NLGN1: variants seen among roughly 807,000 people sequenced by gnomAD.
NLGN1 encodes the protein neuroligin-1.
A neutral mutation model predicts 65.5 loss-of-function variants in NLGN1; 12 were observed. The observed-to-expected ratio is 0.18, with a 90% CI of 0.12 to 0.30. NLGN1 has a LOEUF of 0.30. Ranked by LOEUF, NLGN1 falls within the 10% of genes least tolerant of loss-of-function variation. The probability of loss-of-function intolerance (pLI) is 1.00; values close to 1 mark genes in which losing one functional copy is unlikely to be tolerated. For synonymous variants in NLGN1, 350 were observed against 359.5 expected (o/e 0.97, Z 0.30); for missense variants, 750 against 1,007.1 (o/e 0.74, Z 3.46).
At chr3:173,702,301 C>T (rs1767339113) in intron 3 of NLGN1, among the ~76,000 whole-genome samples, 2 of 150,782 alleles carry the variant, frequency 1.3e-5, no homozygotes, top group Non-Finnish European at 2.9e-5. Context: ...AGTGGGTGTG[C>T]GGATGAAGGG....
At chr3:173,644,606 C>A in intron 3 of NLGN1, 2 of 159,474 alleles carry the variant, frequency 1.3e-5, no homozygotes, top group South Asian at 3.6e-4. Flanking sequence ...TTCTGCGAGT[C>A]CCTCATCATG....
At chr3:174,032,515 T>C (rs552137673) in intron 4 of NLGN1, among the ~76,000 whole-genome samples, 1 of 152,306 alleles carries the variant, frequency 6.6e-6, no homozygotes, top group Admixed American at 6.5e-5. Context: ...TTGTTAGAAA[T>C]GCAGTATCTC....
At chr3:174,274,525 C>T (rs1750150010) in intron 4 of NLGN1, among the ~76,000 whole-genome samples, 1 of 151,630 alleles carries the variant, frequency 6.6e-6, no homozygotes, top group Admixed American at 6.6e-5. Context: ...CGTTTTCTCT[C>T]CCCCTCATTT....
chr3:173,888,727 T>C (rs916214699), intron 4 of NLGN1, among the ~76,000 whole-genome samples: 6 of 152,096 alleles, frequency 3.9e-5, no homozygotes, highest in Non-Finnish European at 5.9e-5. Context: ...TATCGTGACG[T>C]ATTTTTTTCC....
At chr3:174,002,066 A>C (rs966842013) in intron 4 of NLGN1, among the ~76,000 whole-genome samples, 8 of 152,004 alleles carry the variant, frequency 5.3e-5, no homozygotes, top group African/African-American at 1.2e-4. Flanking sequence ...AAAAAAAAAA[A>C]AAAAACAAGA....
intron 4 of NLGN1, among the ~76,000 whole-genome samples, chr3:174,200,688 A>G (rs62290342): frequency 0.026 from 3,941 of 152,320 alleles, 74 homozygotes; most frequent in Middle Eastern, 0.068. Context: ...AATAATATTA[A>G]CAATCTTTTC....
At chr3:173,606,982 C>T (rs548322404) in intron 3 of NLGN1, among the ~76,000 whole-genome samples, 7 of 151,952 alleles carry the variant, frequency 4.6e-5, no homozygotes, top group African/African-American at 1.2e-4. Flanking sequence ...AAGTGACTTT[C>T]GCCTCCTATT....
intron 3 of NLGN1, among the ~76,000 whole-genome samples, chr3:173,781,595 C>T (rs1781169408): frequency 1.3e-5 from 2 of 152,174 alleles, no homozygotes; most frequent in Non-Finnish European, 2.9e-5. Flanking sequence ...TTTGGTTGAT[C>T]TCCTTGAAAC....
intron 4 of NLGN1, among the ~76,000 whole-genome samples, chr3:174,100,977 G>C (rs544243162): frequency 1.3e-5 from 2 of 152,144 alleles, no homozygotes; most frequent in Non-Finnish European, 2.9e-5. Context: ...TCTGCAGCAA[G>C]TACGAGGCCA....
chr3:174,037,979 C>A (rs1162982154), intron 4 of NLGN1, among the ~76,000 whole-genome samples: 4 of 152,002 alleles, frequency 2.6e-5, no homozygotes, highest in Non-Finnish European at 4.4e-5. Flanking sequence ...ATATTAATGC[C>A]TCCAGTAATG....
At chr3:173,692,221 CTCTGTTATTAATTAT>C (rs889627614) in intron 3 of NLGN1, among the ~76,000 whole-genome samples, 8 of 152,020 alleles carry the variant, frequency 5.3e-5, no homozygotes, top group African/African-American at 1.7e-4. Flanking sequence ...AAGGAAATTG[CTCTGTTATTAATTAT>C]TCTGCTGGTA....
intron 4 of NLGN1, among the ~76,000 whole-genome samples, chr3:173,909,749 G>A (rs912559723): frequency 3.9e-5 from 6 of 151,950 alleles, no homozygotes; most frequent in South Asian, 2.1e-4. Context: ...GCATGATCTC[G>A]GCTACCGCAA....
chr3:173,939,977 A>C (rs1174702599), intron 4 of NLGN1, among the ~76,000 whole-genome samples: 1 of 152,126 alleles, frequency 6.6e-6, no homozygotes, highest in African/African-American at 2.4e-5. Flanking sequence ...TAATCCACTA[A>C]AAATACTAAA....
chr3:173,857,594 A>T (rs1271335219), intron 4 of NLGN1, among the ~76,000 whole-genome samples: 1 of 152,078 alleles, frequency 6.6e-6, no homozygotes, highest in Non-Finnish European at 1.5e-5. Flanking sequence ...TACAAAAAAA[A>T]ATCACAGAAA....
intron 3 of NLGN1, among the ~76,000 whole-genome samples, chr3:173,673,654 T>C (rs1306387307): frequency 2.6e-5 from 4 of 152,146 alleles, no homozygotes; most frequent in Non-Finnish European, 5.9e-5. Context: ...ATAGAGAAGA[T>C]AAATATCTTG....
At chr3:173,432,099 A>G (rs1273989431) in intron 1 of NLGN1, among the ~76,000 whole-genome samples, 1 of 152,140 alleles carries the variant, frequency 6.6e-6, no homozygotes, top group African/African-American at 2.4e-5. Context: ...TCCTTTGTCA[A>G]TATGCATAAC....
chr3:174,211,681 T>G (rs1176058797), intron 4 of NLGN1, among the ~76,000 whole-genome samples: 1 of 150,236 alleles, frequency 6.7e-6, no homozygotes, highest in Non-Finnish European at 1.5e-5. Context: ...TTACAAACCT[T>G]GAGCTAGATA....
At chr3:174,024,239 GA>G (rs2152461701) in intron 4 of NLGN1, among the ~76,000 whole-genome samples, 1 of 150,938 alleles carries the variant, frequency 6.6e-6, no homozygotes, top group Non-Finnish European at 1.5e-5. Context: ...ATTTAGGGGA[GA>G]ACAAAGGGAT....
At chr3:173,853,290 G>A (rs1727333623) in intron 4 of NLGN1, among the ~76,000 whole-genome samples, 1 of 152,164 alleles carries the variant, frequency 6.6e-6, no homozygotes, top group Admixed American at 6.5e-5. Flanking sequence ...CACTTGTGAT[G>A]TTCCCATTGC....
Sources: gnomAD v4.1 joint callset for allele counts (sites outside exome capture counted in the v4.1 genomes callset) on GRCh38, gnomAD v4.1.1 for gene constraint, MANE v1.5 for transcripts, NCBI Gene and HGNC (gene_info 2026-07-23, HGNC 2026-07-21) for gene names.